The following ADRA1A variants were observed in gnomAD, a reference collection of about 807,000 sequenced individuals.
The protein encoded by ADRA1A is alpha-1A adrenergic receptor.
ADRA1A carries 31 observed loss-of-function variants against 29.6 expected under a neutral mutation model. That is an observed-to-expected ratio of 1.05 (90% CI 0.79 to 1.41). The LOEUF is 1.41. ADRA1A is among the 40% of genes most tolerant of loss of function. The probability of loss-of-function intolerance (pLI) is 0.00; values close to 1 mark genes in which losing one functional copy is unlikely to be tolerated. For synonymous variants in ADRA1A, 311 were observed against 254.3 expected, an observed-to-expected ratio of 1.22 and a Z score of -2.12; for missense variants, 619 against 601.1, an observed-to-expected ratio of 1.03 and a Z score of -0.31.
chr8:26,829,028 G>T (rs1180193646), intron 2 of ADRA1A, among the ~76,000 whole-genome samples: 1 of 152,130 alleles, frequency 6.6e-6, no homozygotes, highest in Admixed American at 6.5e-5. Flanking sequence ...GTGTATAGTG[G>T]CTGGTGTGTG....
At position 26,841,919 on chromosome 8, in the gene ADRA1A, C is replaced by T. The variant is rs373308822; in HGVS notation, c.883+22168G>A. 2.6e-5 allele frequency among the ~76,000 whole-genome samples: 4 copies of T among 152,252 alleles called. No homozygotes were observed. In the South Asian group the frequency reaches 8.3e-4, roughly 32 times the overall value. On this transcript the variant is annotated intron_variant, in intron 2 of 2. Transcript: ENST00000380573. The surrounding 1 kb of genome is among the most constrained non-coding windows in gnomAD (Gnocchi z 4.4). Reference sequence around the variant, plus strand: ...AGGATTTTATGCTGTGGTGAGTCTCCCACTTTTCCAAAACGTTGTGCAAGT... The same window carrying T: ...AGGATTTTATGCTGTGGTGAGTCTCTCACTTTTCCAAAACGTTGTGCAAGT...
In ADRA1A at chr8:26,770,217, T is replaced by C; in HGVS notation, c.1333A>G (p.Lys445Glu). 1 of 1,606,608 alleles carries C rather than the reference T, an allele frequency of 6.2e-7. No individual in the cohort carries two copies. The highest frequency in any genetic ancestry group is 1.7e-4 in the Middle Eastern group (1 of 6,008). Residue 445 changes from lysine (K) to glutamate (E), a missense_variant, in exon 3 of 3, where the codon AAG becomes GAG. Transcript: ENST00000380573. ...CVGPSTPSLD[K>E]NHQVPTIKVH... is the part of the protein sequence containing the mutation. ...TTAATGGTTGGAACTTGATGGTTCT[T>C]GTCAAGGCTGGGGGTTGAGGGCCCT...
At chr8:26,790,743 T>A (rs1332417043) in intron 2 of ADRA1A, among the ~76,000 whole-genome samples, 2 of 152,144 alleles carry the variant, frequency 1.3e-5, no homozygotes, top group African/African-American at 4.8e-5. Context: ...GGTTATTTTG[T>A]GTCAATTAAA....
downstream of ADRA1A, among the ~76,000 whole-genome samples, chr8:26,767,955 G>T (rs1323051703): frequency 6.6e-6 from 1 of 152,132 alleles, no homozygotes; most frequent in African/African-American, 2.4e-5. Context: ...TTCACATCTG[G>T]CAGAGCTCTT....
chr8:26,841,242 TG>T lies in ADRA1A; in HGVS notation c.883+22844del, dbSNP rs1471077562. ...CAAAAAGAATCCAGTGGAAGGGAAG[TG>T]GGAAGTAGCAGGCAGATCACGCTGA... is the stretch of plus-strand genomic sequence containing the variant. On this transcript the variant is annotated intron_variant, in intron 2 of 2. Coordinates refer to ENST00000380573, the MANE Select transcript of ADRA1A (RefSeq NM_000680.4). This position sits in a 1 kb window ranked among gnomAD's most constrained non-coding sequence, Gnocchi z 4.4. Among the ~76,000 whole-genome samples the T allele has an allele frequency of 1.3e-5, 2 of 152,122 alleles. No individual in the cohort carries two copies. Among genetic ancestry groups the T allele is most frequent in the African/African-American group, 4.8e-5 (2 of 41,400 alleles).
chr8:26,753,738 C>A (rs1805025666), downstream of ADRA1A, among the ~76,000 whole-genome samples: 2 of 152,156 alleles, frequency 1.3e-5, no homozygotes, highest in Non-Finnish European at 2.9e-5. Context: ...CTGAAGACAC[C>A]AATTTTCTTT....
chr8:26,756,475 T>A, exon 3 of ADRA1A: 1 of 1,484,114 alleles, frequency 6.7e-7, no homozygotes, highest in South Asian at 1.3e-5. Flanking sequence ...TGAAACTGAT[T>A]TACAAAAAAT....
rs1442100436 is a variant in ADRA1A, at chr8:26,775,477, G to A, written c.884-4811C>T. ...TTTCTCATGATGCTTCATAGGAAGAGCCAGACTTCCAAATCACCCACATGA... is the reference window on the plus strand; with the variant it reads ...TTTCTCATGATGCTTCATAGGAAGAACCAGACTTCCAAATCACCCACATGA... On this transcript the variant is annotated intron_variant, in intron 2 of 2. Coordinates refer to ENST00000380573, the MANE Select transcript of ADRA1A (RefSeq NM_000680.4). This position sits in a 1 kb window ranked among gnomAD's most constrained non-coding sequence, Gnocchi z 4.1. Among the ~76,000 whole-genome samples the A allele has an allele frequency of 3.3e-5, 5 of 152,048 alleles. No individual in the cohort carries two copies. The highest frequency in any genetic ancestry group is 7.4e-5 in the Non-Finnish European group (5 of 68,026).
chr8:26,832,589 A>AG (rs1811062604), intron 2 of ADRA1A, among the ~76,000 whole-genome samples: 1 of 152,184 alleles, frequency 6.6e-6, no homozygotes, highest in African/African-American at 2.4e-5. Context: ...AGAGATGAAG[A>AG]GGGGTTAGTC....
intron 2 of ADRA1A, among the ~76,000 whole-genome samples, chr8:26,772,421 G>A (rs1019325582): frequency 6.6e-6 from 1 of 151,952 alleles, no homozygotes; most frequent in Non-Finnish European, 1.5e-5. Flanking sequence ...TTCTTTCTTG[G>A]CTCCCAAGCT....
chr8:26,790,069 A>G (rs1009613671), intron 2 of ADRA1A, among the ~76,000 whole-genome samples: 12 of 152,188 alleles, frequency 7.9e-5, no homozygotes, highest in Non-Finnish European at 1.8e-4. Flanking sequence ...ACCAAATACA[A>G]GTAGAACTAC....
chr8:26,749,136 T>A (rs1159267153), intron 2 of ADRA1A, among the ~76,000 whole-genome samples: 2 of 152,234 alleles, frequency 1.3e-5, no homozygotes, highest in South Asian at 2.1e-4. Flanking sequence ...CCCCTAAAAA[T>A]ACTAGAAGCT....
At chr8:26,829,349 T>A (rs867158049) in intron 2 of ADRA1A, among the ~76,000 whole-genome samples, 1 of 152,014 alleles carries the variant, frequency 6.6e-6, no homozygotes. Context: ...AAAGGAACAA[T>A]CAAAAAACAA....
chr8:26,855,988 T>C (rs552717121), intron 2 of ADRA1A, among the ~76,000 whole-genome samples: 12 of 152,332 alleles, frequency 7.9e-5, no homozygotes, highest in Admixed American at 3.3e-4. Flanking sequence ...AAGTAATAAC[T>C]CACTTGTCTA....
chr8:26,789,494 C>G (rs1807652871), intron 2 of ADRA1A, among the ~76,000 whole-genome samples: 1 of 152,068 alleles, frequency 6.6e-6, no homozygotes, highest in South Asian at 2.1e-4. Context: ...CCTATCTCTC[C>G]CCTTATATAA....
At chr8:26,861,312 T>G (rs1307968150) in intron 2 of ADRA1A, among the ~76,000 whole-genome samples, 20 of 148,942 alleles carry the variant, frequency 1.3e-4, no homozygotes, top group Non-Finnish European at 2.2e-4. Flanking sequence ...TGTTTTTTTT[T>G]TTTTTTTTTT....
intron 2 of ADRA1A, among the ~76,000 whole-genome samples, chr8:26,844,159 G>A (rs539224645): frequency 9.2e-5 from 14 of 152,126 alleles, no homozygotes; most frequent in Non-Finnish European, 1.9e-4. Flanking sequence ...ATATGGGTCA[G>A]CACCCTACAA....
intron 2 of ADRA1A, among the ~76,000 whole-genome samples, chr8:26,802,001 C>T (rs73231554): frequency 0.049 from 7,497 of 152,216 alleles, 268 homozygotes; most frequent in Non-Finnish European, 0.072. Flanking sequence ...GGAACGAACA[C>T]TCTCGTCAGT....
downstream of ADRA1A, among the ~76,000 whole-genome samples, chr8:26,751,808 G>A (rs73558207): frequency 0.036 from 5,541 of 152,154 alleles, 326 homozygotes; most frequent in African/African-American, 0.13. Flanking sequence ...TACATGTATC[G>A]GTCCAATGAG....
Sources: gnomAD v4.1 joint callset for allele counts (sites outside exome capture counted in the v4.1 genomes callset) on GRCh38, gnomAD v4.1.1 for gene constraint, Gnocchi (gnomAD v3.1) non-coding constraint, MANE v1.5 for transcripts, NCBI Gene and HGNC (gene_info 2026-07-23, HGNC 2026-07-21) for gene names.